HECW2: variants seen among roughly 807,000 people sequenced by gnomAD.
The protein encoded by HECW2 is E3 ubiquitin-protein ligase HECW2.
In HECW2, 61 loss-of-function variants were observed where a neutral mutation model predicts 175.2. That is an observed-to-expected ratio of 0.35 (90% CI 0.28 to 0.43). The LOEUF is 0.43. HECW2 is among the 20% of genes least tolerant of loss of function. The probability of loss-of-function intolerance (pLI) is 1.00; values close to 1 mark genes in which losing one functional copy is unlikely to be tolerated. For missense variants in HECW2, 1,524 were observed against 2,000.5 expected (o/e 0.76, Z 4.54); for synonymous variants, 671 against 731.0 (o/e 0.92, Z 1.32).
chr2:196,218,810 A>G (rs1057146936), intron 26 of HECW2, among the ~76,000 whole-genome samples: 3 of 152,254 alleles, frequency 2.0e-5, no homozygotes, highest in African/African-American at 7.2e-5. Flanking sequence ...TCGATGGGTT[A>G]ACAACATTAT....
At chr2:196,488,600 G>T (rs923730185) in intron 1 of HECW2, among the ~76,000 whole-genome samples, 4 of 151,314 alleles carry the variant, frequency 2.6e-5, no homozygotes, top group African/African-American at 9.7e-5. Flanking sequence ...CATATACAAT[G>T]AGATACTAAT....
At chr2:196,399,392 C>A (rs959943967) in intron 2 of HECW2, among the ~76,000 whole-genome samples, 1 of 152,242 alleles carries the variant, frequency 6.6e-6, no homozygotes, top group African/African-American at 2.4e-5. Context: ...CTGGGCTAAA[C>A]TGCCAGAGGC....
At chr2:196,379,754 A>G (rs1416526118) in intron 2 of HECW2, among the ~76,000 whole-genome samples, 1 of 151,946 alleles carries the variant, frequency 6.6e-6, no homozygotes, top group African/African-American at 2.4e-5. Flanking sequence ...GCAATTCCTC[A>G]ATAAAACAAT....
At chr2:196,398,462 G>A (rs1534537) in intron 2 of HECW2, among the ~76,000 whole-genome samples, 140,479 of 152,276 alleles carry the variant, frequency 0.92, 65,044 homozygotes, top group East Asian at 1. Context: ...AGGAGCTGGT[G>A]GAAAACATAA....
intron 1 of HECW2, among the ~76,000 whole-genome samples, chr2:196,531,572 G>A (rs1423111091): frequency 6.6e-6 from 1 of 150,968 alleles, no homozygotes; most frequent in Admixed American, 6.6e-5. Context: ...TGAGGCAGGA[G>A]AATCACTTGA....
chr2:196,413,046 T>A (rs1040728620), intron 2 of HECW2, among the ~76,000 whole-genome samples: 7 of 152,132 alleles, frequency 4.6e-5, no homozygotes, highest in Non-Finnish European at 1.0e-4. Flanking sequence ...AAGAATTATA[T>A]GAAATATGAA....
At chr2:196,574,249 G>A (rs1039645752) in intron 1 of HECW2, among the ~76,000 whole-genome samples, 2 of 152,060 alleles carry the variant, frequency 1.3e-5, no homozygotes, top group African/African-American at 4.8e-5. Context: ...GGCCAACATG[G>A]TGAAACCCCG....
intron 13 of HECW2, among the ~76,000 whole-genome samples, chr2:196,300,011 G>A (rs1001029073): frequency 2.0e-5 from 3 of 152,182 alleles, no homozygotes; most frequent in Non-Finnish European, 2.9e-5. Flanking sequence ...ATGCAGCGAT[G>A]AGGAACTTGT....
chr2:196,488,692 G>A (rs1687093116), intron 1 of HECW2, among the ~76,000 whole-genome samples: 1 of 151,824 alleles, frequency 6.6e-6, no homozygotes. Context: ...AAAACTCTAA[G>A]GGGGAAAGGA....
At chr2:196,408,958 A>C (rs1278384060) in intron 2 of HECW2, among the ~76,000 whole-genome samples, 5 of 152,248 alleles carry the variant, frequency 3.3e-5, no homozygotes, top group Admixed American at 2.0e-4. Context: ...AAGAACAAGC[A>C]TACAGGAGAA....
intron 1 of HECW2, among the ~76,000 whole-genome samples, chr2:196,505,833 A>G (rs998009920): frequency 2.6e-5 from 4 of 152,196 alleles, no homozygotes; most frequent in Admixed American, 6.5e-5. Context: ...GCTCCTATAG[A>G]CCAAGCACTG....
At chr2:196,562,171 A>C in intron 1 of HECW2, among the ~76,000 whole-genome samples, 1 of 152,166 alleles carries the variant, frequency 6.6e-6, no homozygotes, top group East Asian at 1.9e-4. Flanking sequence ...AAGACAATGA[A>C]TTGGTGGAAT....
chr2:196,441,359 C>CA (rs1696035645), intron 1 of HECW2, among the ~76,000 whole-genome samples: 1 of 89,280 alleles, frequency 1.1e-5, no homozygotes, highest in East Asian at 3.3e-4. Flanking sequence ...CCAAAAGACA[C>CA]AACATACAAC....
intron 17 of HECW2, among the ~76,000 whole-genome samples, chr2:196,266,814 T>TA (rs1204884652): frequency 6.6e-6 from 1 of 152,066 alleles, no homozygotes; most frequent in African/African-American, 2.4e-5. Context: ...ATTTTTAAAA[T>TA]AAAAAAATTA....
At chr2:196,441,664 G>T (rs1696049122) in intron 1 of HECW2, among the ~76,000 whole-genome samples, 1 of 152,088 alleles carries the variant, frequency 6.6e-6, no homozygotes, top group Non-Finnish European at 1.5e-5. Flanking sequence ...TAGCAAGAGA[G>T]AGCATTTTCA....
chr2:196,310,110 T>G (rs985922752), intron 10 of HECW2, among the ~76,000 whole-genome samples: 2 of 152,102 alleles, frequency 1.3e-5, no homozygotes, highest in South Asian at 4.1e-4. Flanking sequence ...AAAAATAATT[T>G]AAAATGACAC....
chr2:196,261,132 C>T (rs568184498), intron 17 of HECW2, among the ~76,000 whole-genome samples: 2 of 152,230 alleles, frequency 1.3e-5, no homozygotes, highest in South Asian at 4.1e-4. Flanking sequence ...CCCCATCTGC[C>T]ACTTACGCAC....
chr2:196,215,227 G>A (rs1337123707), intron 28 of HECW2, among the ~76,000 whole-genome samples: 1 of 152,166 alleles, frequency 6.6e-6, no homozygotes, highest in Non-Finnish European at 1.5e-5. Flanking sequence ...CATATCAGAT[G>A]GGTAATGTGT....
chr2:196,290,996 G>A (rs1456648052), intron 14 of HECW2: 1 of 152,134 alleles, frequency 6.6e-6, no homozygotes, highest in Non-Finnish European at 1.5e-5. Flanking sequence ...CAAGTCAGTA[G>A]TTTCAATGAG....
Sources: gnomAD v4.1 joint callset for allele counts (sites outside exome capture counted in the v4.1 genomes callset) on GRCh38, gnomAD v4.1.1 for gene constraint, MANE v1.5 for transcripts, NCBI Gene and HGNC (gene_info 2026-07-23, HGNC 2026-07-21) for gene names.